C8orf58: variants seen among roughly 807,000 people sequenced by gnomAD.
C8orf58 encodes the protein uncharacterized protein C8orf58.
C8orf58 carries 31 observed loss-of-function variants against 36.8 expected under a neutral mutation model. That is an observed-to-expected ratio of 0.84 (90% CI 0.63 to 1.14). The LOEUF (loss-of-function observed/expected upper bound fraction) is 1.14, where lower values mean the gene tolerates loss of function less well. Ranked by LOEUF, C8orf58 falls within the 50% of genes most tolerant of loss-of-function variation. C8orf58 has a pLI of 0.00. For missense variants in C8orf58, 538 were observed against 480.8 expected (o/e 1.12, Z -1.11); for synonymous variants, 230 against 200.2 (o/e 1.15, Z -1.26).
intron 5 of C8orf58, 86 bp from the exon 6 acceptor site, chr8:22,602,451 T>C: frequency 7.3e-7 from 1 of 1,362,994 alleles, no homozygotes; most frequent in Non-Finnish European, 1.0e-6. Flanking sequence ...CGACTTGTCC[T>C]GGCTGTGGCG....
Position 22,600,889 on chromosome 8 carries a change from T to C in C8orf58, c.48T>C (p.Ala16=), listed in dbSNP as rs1563890013. The part of the protein sequence containing the change: ...RAFAVDGRDG[A]GEGLARGCIV... ...CGCTGACTCTCCATGCAGATGGGGC[T>C]GGCGAGGGCCTGGCACGGGGCTGCA... The change falls in exon 2 of 7, where the codon GCT becomes GCC. Residue 16 remains alanine (A), a synonymous_variant. Transcript: ENST00000289989. 1.2e-6 allele frequency: 2 copies of C among 1,601,612 alleles called. No homozygotes were observed. The highest frequency in any genetic ancestry group is 1.7e-6 in the Non-Finnish European group (2 of 1,175,096).
In C8orf58 at chr8:22,601,721, C is replaced by T. The variant is rs57261277; in HGVS notation, c.526C>T (p.Leu176=). 6,711 of 1,609,002 alleles carry T rather than the reference C, an allele frequency of 4.2e-3. 174 individuals are homozygous for T. In the East Asian group the frequency reaches 0.067, roughly 16 times the overall value. Residue 176 remains leucine (L), a synonymous_variant, in exon 3 of 7, where the codon CTG becomes TTG. Transcript: ENST00000289989. ...TCACAATGTCCCACAGGTGGGGGGC[C>T]TGGGGCCTGGAGCCTGGGCCTGCCT... ...AGLEEEAVGG[L]GPGAWACLPG... is the part of the protein sequence containing the mutation.
Position 22,601,249 on chromosome 8 carries a change from C to CTCCCTGCGGCTGGCAAGCAAGCCTGAGCG in C8orf58, c.410_438dup (p.Glu147ProfsTer28). ...CCACCAGCTTGTCAGGACAACACCG[C>CTCCCTGCGGCTGGCAAGCAAGCCTGAGCG]TCCCTGCGGCTGGCAAGCAAGCCTG... is the stretch of plus-strand genomic sequence containing the variant. On this transcript the variant is annotated frameshift_variant, in exon 2 of 7. Coordinates refer to ENST00000289989, the MANE Select transcript of C8orf58 (RefSeq NM_001013842.3). LOFTEE classifies it high-confidence loss of function. 1 of 1,609,918 alleles carries CTCCCTGCGGCTGGCAAGCAAGCCTGAGCG rather than the reference C, an allele frequency of 6.2e-7. No individual in the cohort carries two copies. The highest frequency in any genetic ancestry group is 8.5e-7 in the Non-Finnish European group (1 of 1,178,402).
intron 5 of C8orf58, 81 bp downstream of exon 5, chr8:22,602,393 GC>G: frequency 7.5e-7 from 1 of 1,327,422 alleles, no homozygotes; most frequent in Non-Finnish European, 1.1e-6. Flanking sequence ...CACCCTGGGG[GC>G]CAGCAACTCT....
At position 22,602,485 on chromosome 8, in the gene C8orf58, C is replaced by T. The variant is rs774846062; in HGVS notation, c.880-52C>T. 2.1e-5 allele frequency: 31 copies of T among 1,493,718 alleles called. 2 individuals are homozygous for T. In the South Asian group the frequency reaches 2.8e-4, roughly 14 times the overall value. 92.5% of individuals were successfully genotyped at this position (1,493,718 alleles called of 1,614,324 possible). ...CGACAGCTGTCTCTGGGAGCTTGGT[C>T]GGGGGTCTGAGTGTGGGGAGGGCTC... is the stretch of plus-strand genomic sequence containing the variant. On this transcript the variant is annotated intron_variant, in intron 5 of 6. Transcript: ENST00000289989.
Position 22,603,787 on chromosome 8 carries a change from G to T in C8orf58, c.*481G>T. ...GGATGGAACTGACCTTTATTCCCCA[G>T]TGGGCAGTTACTGAGCTTTCCTCCT... On this transcript the variant is annotated 3_prime_UTR_variant, in exon 7 of 7. Coordinates refer to ENST00000289989, the MANE Select transcript of C8orf58 (RefSeq NM_001013842.3). 1 of 245,632 alleles carries T rather than the reference G, an allele frequency of 4.1e-6. No homozygotes were observed. Among genetic ancestry groups the T allele is most frequent in the South Asian group, 4.5e-5 (1 of 21,992 alleles). 15.2% of individuals were successfully genotyped at this position (245,632 alleles called of 1,614,324 possible).
chr8:22,603,102 C>A (rs913421687), intron 6 of C8orf58, 93 bp from the exon 7 acceptor site: 1 of 949,672 alleles, frequency 1.1e-6, no homozygotes, highest in Non-Finnish European at 1.7e-6. Context: ...CACCCAGCTA[C>A]CCACCAGCAG....
At position 22,603,520 on chromosome 8, in the gene C8orf58, C is replaced by G. The variant is rs749382402; in HGVS notation, c.*214C>G. 2.9e-5 allele frequency: 17 copies of G among 595,732 alleles called. No homozygotes were observed. The highest frequency in any genetic ancestry group is 5.1e-5 in the Non-Finnish European group (17 of 330,936). 36.9% of individuals were successfully genotyped at this position (595,732 alleles called of 1,614,324 possible). A position where few individuals can be genotyped will look rare whatever the true frequency, so the allele number is the denominator to read the frequency against. On this transcript the variant is annotated 3_prime_UTR_variant, in exon 7 of 7. Transcript: ENST00000289989. ...CCCCCAAGATGCCGCAGCTCCAGGG[C>G]TCTTCCTCCTCACCAGAAATCCCTG...
At position 22,601,109 on chromosome 8, in the gene C8orf58, TC is replaced by T. The variant is rs763954294; in HGVS notation, c.271del (p.Leu91TrpfsTer15). On this transcript the variant is annotated frameshift_variant, in exon 2 of 7. Coordinates refer to ENST00000289989, the MANE Select transcript of C8orf58 (RefSeq NM_001013842.3). LOFTEE classifies it high-confidence loss of function. ...CGCCTTACCGGGCCTTTCTCAGGAC[TC>T]CCTGGACTTTGAATCCTCAGGGAGT... Reference protein sequence around the residue: ...LAALPGLSQDSLDFESSGSSE... With the variant: ...LAALPGLSQDXLDFESSGSSE... 2.7e-5 allele frequency: 44 copies of T among 1,612,232 alleles called. No individual in the cohort carries two copies. The highest frequency in any genetic ancestry group is 3.6e-5 in the Non-Finnish European group (42 of 1,179,974).
rs760864346 is a variant in C8orf58 at position 22,603,217 on chromosome 8, G to A, written c.1009G>A (p.Glu337Lys). 1 of 1,613,888 alleles carries A rather than the reference G, an allele frequency of 6.2e-7. No homozygotes were observed. Among genetic ancestry groups the A allele is most frequent in the Non-Finnish European group, 8.5e-7 (1 of 1,179,928 alleles). The change falls in exon 7 of 7, where the codon GAA (glutamate) becomes AAA (lysine). Residue 337 changes from glutamate to lysine, a missense_variant. Glu to Lys is a moderately conservative substitution (Grantham distance 56). Coordinates refer to ENST00000289989, the MANE Select transcript of C8orf58 (RefSeq NM_001013842.3). The part of the protein sequence containing the change: ...DPRIESRDLP[E>K]RPQCRPHRKT... The stretch of plus-strand genomic sequence containing the variant: ...CAGGATCGAGTCCAGGGACCTCCCT[G>A]AAAGGCCTCAGTGCCGCCCCCACCG...
intron 6 of C8orf58, chr8:22,602,850 C>T: frequency 5.2e-6 from 3 of 578,142 alleles, no homozygotes; most frequent in Admixed American, 3.1e-5. Flanking sequence ...GTTGCTTTTC[C>T]AAAGCCGCAC....
Position 22,599,870 on chromosome 8 carries a change from C to T in C8orf58, c.40+110C>T, listed in dbSNP as rs1264607674. ...TTCTTGCCCAGCCCCGCGCACCCCG[C>T]GGGCGGAGCCCGCGCCGCTGCGCCT... is the stretch of plus-strand genomic sequence containing the variant. On this transcript the variant is annotated intron_variant, in intron 1 of 6. Coordinates refer to ENST00000289989, the MANE Select transcript of C8orf58 (RefSeq NM_001013842.3). 3 of 461,520 alleles carry T rather than the reference C, an allele frequency of 6.5e-6. 1 individual carries two copies. Among genetic ancestry groups the T allele is most frequent in the South Asian group, 2.1e-4 (2 of 9,474 alleles). 28.6% of individuals were successfully genotyped at this position (461,520 alleles called of 1,614,324 possible). A position where few individuals can be genotyped will look rare whatever the true frequency, so the allele number is the denominator to read the frequency against.
Position 22,601,764 on chromosome 8 carries a change from G to C in C8orf58, c.569G>C (p.Arg190Pro), listed in dbSNP as rs373734103. The C allele has an allele frequency of 1.2e-6, 2 of 1,612,362 alleles. No homozygotes were observed. The highest frequency in any genetic ancestry group is 1.7e-6 in the Non-Finnish European group (2 of 1,179,786). ...AWACLPGQGL[R>P]YLEHLCLVLE... is the part of the protein sequence containing the mutation. ...GCCTGCCTCCCCGGGCAGGGTCTTCGCTATCTGGAACACCTGTGCCTGGTG... is the reference window on the plus strand; with the variant it reads ...GCCTGCCTCCCCGGGCAGGGTCTTCCCTATCTGGAACACCTGTGCCTGGTG... Residue 190 changes from arginine (R) to proline (P), a missense_variant, in exon 3 of 7, where the codon CGC becomes CCC. Physicochemically the swap from Arg to Pro is moderately radical, Grantham distance 103. Coordinates refer to ENST00000289989, the MANE Select transcript of C8orf58 (RefSeq NM_001013842.3).
Position 22,602,093 on chromosome 8 carries a change from C to CGT in C8orf58, c.766+16_766+17dup, listed in dbSNP as rs1563893022. The stretch of plus-strand genomic sequence containing the variant: ...ACAGAGCACACAGGTGAGGGGCCAT[C>CGT]GTGTCTCCCTTTGTCCTGCCTGCCT... On this transcript the variant is annotated intron_variant, in intron 4 of 6. Transcript: ENST00000289989. 6.4e-7 allele frequency: 1 copy of CGT among 1,557,600 alleles called. No individual in the cohort carries two copies. Among genetic ancestry groups the CGT allele is most frequent in the Admixed American group, 1.9e-5 (1 of 52,662 alleles).
intron 6 of C8orf58, 192 bp downstream of exon 6, chr8:22,602,835 G>C (rs1235172775): frequency 3.4e-6 from 2 of 585,212 alleles, no homozygotes; most frequent in Non-Finnish European, 6.0e-6. Flanking sequence ...GTGGGGTTGG[G>C]GGTAGTTGCT....
At chr8:22,602,452 G>C in intron 5 of C8orf58, 85 bp from the exon 6 acceptor site, 1 of 1,362,796 alleles carries the variant, frequency 7.3e-7, no homozygotes, top group Non-Finnish European at 1.0e-6. Flanking sequence ...GACTTGTCCT[G>C]GCTGTGGCGA....
Position 22,601,209 on chromosome 8 carries a change from G to A in C8orf58, c.368G>A (p.Arg123Gln), listed in dbSNP as rs1007169902. Residue 123 changes from arginine (R) to glutamine (Q), a missense_variant, in exon 2 of 7, where the codon CGG (arginine) becomes CAG (glutamine). By Grantham distance (43) the Arg-to-Gln change is conservative. Coordinates refer to ENST00000289989, the MANE Select transcript of C8orf58 (RefSeq NM_001013842.3). ...GGGGAGGTGTTGGAGCGGTCCCGCC[G>A]GCTCCCAACAGCTCCCACCAGCTTG... ...KLGEVLERSR[R>Q]LPTAPTSLSG... The A allele has an allele frequency of 8.1e-6, 13 of 1,609,316 alleles. No individual in the cohort carries two copies. Among genetic ancestry groups the A allele is most frequent in the Admixed American group, 3.3e-5 (2 of 59,706 alleles).
chr8:22,600,478 A>ACCCTCTC (rs1305019115), intron 1 of C8orf58: 2 of 206,300 alleles, frequency 9.7e-6, no homozygotes, highest in Non-Finnish European at 2.0e-5. Flanking sequence ...TCCTCTCTGT[A>ACCCTCTC]CCCTCTCCCC....
rs763179620 is a variant in C8orf58 at position 22,601,077 on chromosome 8, C to T, written c.236C>T (p.Pro79Leu). 13 of 1,612,608 alleles carry T rather than the reference C, an allele frequency of 8.1e-6. No homozygotes were observed. Among genetic ancestry groups the T allele is most frequent in the South Asian group, 3.3e-5 (3 of 91,080 alleles). ...SGVEMAVGDS[P>L]LAALPGLSQD... ...GTGGAGATGGCAGTTGGGGACAGCCCCCTGGCCGCCTTACCGGGCCTTTCT... is the reference window on the plus strand; with the variant it reads ...GTGGAGATGGCAGTTGGGGACAGCCTCCTGGCCGCCTTACCGGGCCTTTCT... The change falls in exon 2 of 7, where the codon CCC (proline) becomes CTC (leucine). Residue 79 changes from proline to leucine, a missense_variant. Physicochemically the swap from Pro to Leu is moderately conservative, Grantham distance 98. Coordinates refer to ENST00000289989, the MANE Select transcript of C8orf58 (RefSeq NM_001013842.3).
Sources: allele counts gnomAD v4.1 joint callset, GRCh38; gene constraint gnomAD v4.1.1; transcripts MANE v1.5; gene names NCBI Gene and HGNC (gene_info 2026-07-23, HGNC 2026-07-21).